EYA2: variants seen among roughly 807,000 people sequenced by gnomAD.
EYA2 encodes protein phosphatase EYA2.
Under a neutral mutation model 69.2 loss-of-function variants are expected in EYA2, and 31 were observed. The observed-to-expected ratio is 0.45, with a 90% CI of 0.34 to 0.60. The LOEUF (loss-of-function observed/expected upper bound fraction) is 0.60. Among genes scored for constraint, EYA2 ranks in the 20% least tolerant of loss-of-function variants. The pLI is 0.02. For synonymous variants in EYA2, 257 were observed against 279.4 expected, an observed-to-expected ratio of 0.92 and a Z score of 0.80; for missense variants, 622 against 701.2, an observed-to-expected ratio of 0.89 and a Z score of 1.28.
chr20:47,114,476 G>T (rs1219087641), intron 9 of EYA2, among the ~76,000 whole-genome samples: 2 of 152,138 alleles, frequency 1.3e-5, no homozygotes, highest in African/African-American at 2.4e-5. Flanking sequence ...TTAGCCGAGA[G>T]TGGTGGTGTG....
At chr20:46,966,556 C>T (rs1600589338) in intron 1 of EYA2, among the ~76,000 whole-genome samples, 1 of 152,130 alleles carries the variant, frequency 6.6e-6, no homozygotes, top group African/African-American at 2.4e-5. Flanking sequence ...CACCTGTAAT[C>T]CCAGTACTTT....
intron 1 of EYA2, among the ~76,000 whole-genome samples, chr20:46,947,250 T>C (rs16992095): frequency 0.011 from 1,601 of 152,236 alleles, 24 homozygotes; most frequent in African/African-American, 0.036. Flanking sequence ...TCTTGTCTAG[T>C]CTTTCAAATA....
At chr20:46,969,907 G>C (rs1191253028) in intron 1 of EYA2, among the ~76,000 whole-genome samples, 1 of 152,170 alleles carries the variant, frequency 6.6e-6, no homozygotes, top group African/African-American at 2.4e-5. Flanking sequence ...ATGTAAGGGG[G>C]TGAAGGGGCA....
At position 47,016,922 on chromosome 20, in the gene EYA2, A is replaced by G. The variant is rs1983446261; in HGVS notation, c.415+625A>G. ...TATTTTAAGTGTGATGGGACAGGCA[A>G]GTCTATTGTAGAGACTCAGAAATGT... On this transcript the variant is annotated intron_variant, in intron 5 of 15. Coordinates refer to ENST00000327619, the MANE Select transcript of EYA2 (RefSeq NM_005244.5). Among the ~76,000 whole-genome samples the G allele has an allele frequency of 2.0e-5, 3 of 152,364 alleles. No homozygotes were observed. In the South Asian group the frequency reaches 6.2e-4, roughly 32 times the overall value.
intron 5 of EYA2, among the ~76,000 whole-genome samples, chr20:47,031,931 G>A (rs1246908751): frequency 1.3e-5 from 2 of 152,204 alleles, no homozygotes; most frequent in Non-Finnish European, 2.9e-5. Flanking sequence ...ACAAGTCCCT[G>A]CCCTGCTAAT....
chr20:47,057,514 C>A (rs565212312), intron 5 of EYA2, among the ~76,000 whole-genome samples: 5 of 149,812 alleles, frequency 3.3e-5, no homozygotes, highest in African/African-American at 9.8e-5. Context: ...TATATCACCC[C>A]CCCCCCCCAT....
At chr20:46,916,125 G>A (rs1438366424) in intron 1 of EYA2, among the ~76,000 whole-genome samples, 1 of 152,158 alleles carries the variant, frequency 6.6e-6, no homozygotes, top group Non-Finnish European at 1.5e-5. Context: ...CACTCTCTGA[G>A]GTTACCTTCC....
intron 3 of EYA2, among the ~76,000 whole-genome samples, chr20:47,003,484 G>A (rs778893199): frequency 2.0e-4 from 31 of 152,228 alleles, no homozygotes; most frequent in East Asian, 7.7e-4. Context: ...CCACACAGGC[G>A]TGCAGACCCA....
chr20:46,981,906 C>CTAATG (rs766419862), intron 1 of EYA2, among the ~76,000 whole-genome samples: 12 of 96,818 alleles, frequency 1.2e-4, no homozygotes, highest in African/African-American at 3.7e-4. Flanking sequence ...TTTACTGTAA[C>CTAATG]TAATGTAATA....
At chr20:47,053,153 A>C (rs2030427931) in intron 5 of EYA2, among the ~76,000 whole-genome samples, 3 of 149,960 alleles carry the variant, frequency 2.0e-5, no homozygotes, top group South Asian at 2.1e-4. Flanking sequence ...TCCCACCTCA[A>C]GGATCCTTTT....
chr20:47,171,484 C>T (rs947972153), intron 11 of EYA2, among the ~76,000 whole-genome samples: 1 of 152,114 alleles, frequency 6.6e-6, no homozygotes, highest in Admixed American at 6.6e-5. Flanking sequence ...ATTCTAAATG[C>T]ATTACATGGG....
intron 9 of EYA2, among the ~76,000 whole-genome samples, chr20:47,106,059 A>G (rs6066200): frequency 0.98 from 149,518 of 152,338 alleles, 73,417 homozygotes; most frequent in East Asian, 1. Flanking sequence ...GGCCAACGAG[A>G]GGCTTTAATA....
At chr20:46,942,037 G>A (rs1047727041) in intron 1 of EYA2, among the ~76,000 whole-genome samples, 1 of 152,124 alleles carries the variant, frequency 6.6e-6, no homozygotes, top group African/African-American at 2.4e-5. Flanking sequence ...GGTCACACAC[G>A]TGAGCCCCTG....
chr20:47,106,348 G>A (rs1223479322), intron 9 of EYA2, among the ~76,000 whole-genome samples: 1 of 152,174 alleles, frequency 6.6e-6, no homozygotes, highest in Admixed American at 6.5e-5. Context: ...GTAATCAAGG[G>A]AGTATTTTAA....
intron 1 of EYA2, among the ~76,000 whole-genome samples, chr20:46,987,964 C>CTCTCTCTATA (rs1555809797): frequency 6.2e-4 from 7 of 11,276 alleles, no homozygotes; most frequent in African/African-American, 8.3e-4. Flanking sequence ...CTCTCTCTCT[C>CTCTCTCTATA]TATATATATA....
chr20:46,997,028 A>G (rs1219350399), intron 2 of EYA2, among the ~76,000 whole-genome samples: 1 of 152,142 alleles, frequency 6.6e-6, no homozygotes, highest in East Asian at 1.9e-4. Context: ...GGAGGCCACG[A>G]TGGGATTAAT....
intron 1 of EYA2, among the ~76,000 whole-genome samples, chr20:46,965,822 C>A (rs1979744438): frequency 6.6e-6 from 1 of 152,228 alleles, no homozygotes; most frequent in Non-Finnish European, 1.5e-5. Context: ...GGTTGACAAA[C>A]TTCCTGAGCC....
At chr20:47,007,284 G>T (rs879792410) in intron 4 of EYA2, among the ~76,000 whole-genome samples, 1 of 152,222 alleles carries the variant, frequency 6.6e-6, no homozygotes. Flanking sequence ...CGGCATAAAG[G>T]AAGCAAAGAC....
chr20:47,078,061 T>C (rs1167291696), intron 7 of EYA2, among the ~76,000 whole-genome samples: 3 of 152,346 alleles, frequency 2.0e-5, no homozygotes, highest in African/African-American at 4.8e-5. Flanking sequence ...GAAGGTTCTC[T>C]TCATTCCCAT....
Sources: gnomAD v4.1 joint callset for allele counts (sites outside exome capture counted in the v4.1 genomes callset) on GRCh38, gnomAD v4.1.1 for gene constraint, MANE v1.5 for transcripts, NCBI Gene and HGNC (gene_info 2026-07-23, HGNC 2026-07-21) for gene names.